TOM1L2: variants seen among roughly 807,000 people sequenced by gnomAD.
TOM1L2 encodes the protein TOM1-like protein 2.
In TOM1L2, 31 loss-of-function variants were observed where a neutral mutation model predicts 67.9. That is an observed-to-expected ratio of 0.46 (90% confidence interval 0.34 to 0.62). The LOEUF (loss-of-function observed/expected upper bound fraction) is 0.62. Ranked by LOEUF, TOM1L2 falls within the 20% of genes least tolerant of loss-of-function variation. The pLI, the probability that TOM1L2 is intolerant of heterozygous loss-of-function variation, is 0.01. For missense variants in TOM1L2, 606 were observed against 663.5 expected (o/e 0.91, Z 0.95); for synonymous variants, 256 against 254.0 (o/e 1.01, Z -0.07).
chr17:17,958,856 C>T (rs193016756), intron 1 of TOM1L2, among the ~76,000 whole-genome samples: 7 of 152,288 alleles, frequency 4.6e-5, no homozygotes, highest in African/African-American at 1.4e-4. Context: ...CCCACCTTAC[C>T]TCCGGAAAGG....
intron 1 of TOM1L2, among the ~76,000 whole-genome samples, chr17:17,967,740 TG>T (rs2041922296): frequency 6.6e-6 from 1 of 152,124 alleles, no homozygotes; most frequent in Non-Finnish European, 1.5e-5. Context: ...CCCGAGTAGC[TG>T]GGATTATACG....
chr17:17,957,787 C>T (rs1812786039), intron 1 of TOM1L2, among the ~76,000 whole-genome samples: 1 of 151,964 alleles, frequency 6.6e-6, no homozygotes, highest in South Asian at 2.1e-4. Flanking sequence ...TGTACAGTCT[C>T]TTATGGAAAG....
At chr17:17,969,084 TCTCA>T (rs2041973408) in intron 1 of TOM1L2, among the ~76,000 whole-genome samples, 1 of 142,472 alleles carries the variant, frequency 7.0e-6, no homozygotes, top group South Asian at 2.2e-4. Context: ...GGAGACAGAG[TCTCA>T]CTCTGTCGCC....
At chr17:17,892,665 T>C (rs1388270527) in intron 4 of TOM1L2, among the ~76,000 whole-genome samples, 1 of 144,292 alleles carries the variant, frequency 6.9e-6, no homozygotes, top group Non-Finnish European at 1.5e-5. Context: ...CTTCCCCACA[T>C]AGTGGTCTCT....
At chr17:17,919,181 ACAG>A (rs936154603) in intron 1 of TOM1L2, among the ~76,000 whole-genome samples, 53 of 152,336 alleles carry the variant, frequency 3.5e-4, no homozygotes, top group African/African-American at 1.2e-3. Context: ...TGCTGCAATA[ACAG>A]CACTCTCTCA....
chr17:17,901,119 GC>G (rs1187600248), intron 2 of TOM1L2, among the ~76,000 whole-genome samples: 1 of 152,198 alleles, frequency 6.6e-6, no homozygotes, highest in Non-Finnish European at 1.5e-5. Context: ...TCATCCATAG[GC>G]TCTGGGAAGT....
At chr17:17,940,994 T>C (rs1196995596) in intron 1 of TOM1L2, among the ~76,000 whole-genome samples, 3 of 152,212 alleles carry the variant, frequency 2.0e-5, no homozygotes, top group African/African-American at 7.2e-5. Flanking sequence ...ATTCTCAATC[T>C]TCTGCTAAAA....
intron 11 of TOM1L2, 34 bp downstream of exon 11, chr17:17,862,697 T>A: frequency 1.3e-6 from 2 of 1,558,354 alleles, no homozygotes; most frequent in Non-Finnish European, 1.8e-6. Context: ...CCCCCCAATA[T>A]CTTTAGAGAG....
chr17:17,869,308 G>GAAA (rs34879782), intron 8 of TOM1L2, 32 bp downstream of exon 8: 163 of 1,516,276 alleles, frequency 1.1e-4, no homozygotes, highest in Admixed American at 2.2e-4. Context: ...CTTTTCAAGG[G>GAAA]AAAAAAAAAA....
At chr17:17,921,030 C>T (rs1291261821) in intron 1 of TOM1L2, among the ~76,000 whole-genome samples, 1 of 152,192 alleles carries the variant, frequency 6.6e-6, no homozygotes, top group Admixed American at 6.5e-5. Flanking sequence ...ATTTGGATTT[C>T]TCCAGTTTTT....
rs151035387 is a variant in TOM1L2 at position 17,896,295 on chromosome 17, T to C, written c.216+2301A>G. 1.6e-4 allele frequency among the ~76,000 whole-genome samples: 25 copies of C among 152,200 alleles called. 1 individual carries two copies. In the East Asian group the frequency reaches 1.7e-3, roughly 11 times the overall value. ...AGATGGCAAGAAGTATGCTTTATTT[T>C]GTGAGAAGCAGGTGGGAAAGGTGAG... On this transcript the variant is annotated intron_variant, in intron 3 of 14. Transcript: ENST00000379504.
At chr17:17,899,019 C>T (rs533640837) in intron 2 of TOM1L2, among the ~76,000 whole-genome samples, 6 of 152,194 alleles carry the variant, frequency 3.9e-5, no homozygotes, top group Admixed American at 6.5e-5. Context: ...CAGGTGCCAG[C>T]GTAGGGAAGA....
chr17:17,955,383 G>A (rs1438456398), intron 1 of TOM1L2, among the ~76,000 whole-genome samples: 1 of 141,294 alleles, frequency 7.1e-6, no homozygotes, highest in African/African-American at 2.7e-5. Context: ...TCTGTCGCCA[G>A]GCTGGAGTAC....
intron 1 of TOM1L2, among the ~76,000 whole-genome samples, chr17:17,938,446 C>G (rs2144762592): frequency 6.6e-6 from 1 of 152,226 alleles, no homozygotes. Flanking sequence ...GACAACAGTC[C>G]CGCTCTGACT....
chr17:17,858,773 G>C (rs990775337), intron 12 of TOM1L2: 1 of 152,286 alleles, frequency 6.6e-6, no homozygotes, highest in East Asian at 1.9e-4. Flanking sequence ...AGTAGAGATG[G>C]GGTTTCACCA....
At chr17:17,879,548 G>A in intron 7 of TOM1L2, 79 bp downstream of exon 7, 1 of 1,158,908 alleles carries the variant, frequency 8.6e-7, no homozygotes, top group Non-Finnish European at 1.3e-6. Context: ...TTGCCGCTGT[G>A]TCCCCGGGTG....
Position 17,847,905 on chromosome 17 carries a change from G to A in TOM1L2, c.1376-122C>T, listed in dbSNP as rs904123214. 44 of 1,357,054 alleles carry A rather than the reference G, an allele frequency of 3.2e-5. No individual in the cohort carries two copies. In the African/African-American group the frequency reaches 6.3e-4, roughly 19 times the overall value. 84.1% of individuals were successfully genotyped at this position (1,357,054 alleles called of 1,614,324 possible). A position where few individuals can be genotyped will look rare whatever the true frequency, so the allele number is the denominator to read the frequency against. ...CAGGCATGAAGCCCACCTAGGAGCA[G>A]GTGGGTAGGGAGGGGTTCGTGAGCT... On this transcript the variant is annotated intron_variant, in intron 14 of 14. Transcript: ENST00000379504.
intron 1 of TOM1L2, among the ~76,000 whole-genome samples, chr17:17,949,867 A>T (rs1722964947): frequency 6.6e-6 from 1 of 151,454 alleles, no homozygotes; most frequent in South Asian, 2.1e-4. Flanking sequence ...TTATTTTTTA[A>T]ATTTTATTTA....
intron 1 of TOM1L2, among the ~76,000 whole-genome samples, chr17:17,913,784 G>T (rs2039510206): frequency 6.6e-6 from 1 of 152,194 alleles, no homozygotes; most frequent in Non-Finnish European, 1.5e-5. Flanking sequence ...GGAAAGGAAA[G>T]GGTGAATATA....
Sources: gnomAD v4.1 joint callset for allele counts (sites outside exome capture counted in the v4.1 genomes callset) on GRCh38, gnomAD v4.1.1 for gene constraint, MANE v1.5 for transcripts, NCBI Gene and HGNC (gene_info 2026-07-23, HGNC 2026-07-21) for gene names.